The following RABGAP1 variants were observed in gnomAD, a reference collection of about 807,000 sequenced individuals.
RABGAP1 encodes rab GTPase-activating protein 1.
Under a neutral mutation model 137.6 loss-of-function variants are expected in RABGAP1, and 23 were observed. The ratio of observed to expected loss-of-function variants is 0.17; its 90% confidence interval spans 0.12 to 0.24. The LOEUF (loss-of-function observed/expected upper bound fraction) is 0.24. Ranked by LOEUF, RABGAP1 falls within the 10% of genes least tolerant of loss-of-function variation. The pLI is 1.00. For missense variants in RABGAP1, 906 were observed against 1,275.8 expected, an observed-to-expected ratio of 0.71 and a Z score of 4.42; for synonymous variants, 451 against 450.7, an observed-to-expected ratio of 1.00 and a Z score of -0.01.
intron 13 of RABGAP1, among the ~76,000 whole-genome samples, chr9:123,051,431 G>C (rs2033466209): frequency 6.7e-6 from 1 of 150,130 alleles, no homozygotes; most frequent in Non-Finnish European, 1.5e-5. Context: ...ATTTTTAGTA[G>C]AGATGGGGTT....
chr9:123,076,498 C>G, intron 18 of RABGAP1, 136 bp from the exon 19 acceptor site: 1 of 1,087,818 alleles, frequency 9.2e-7, no homozygotes, highest in South Asian at 1.7e-5. Flanking sequence ...TGGATGTATG[C>G]AGGTGGCTCT....
chr9:123,023,396 G>A (rs942131309), intron 13 of RABGAP1, among the ~76,000 whole-genome samples: 6 of 152,080 alleles, frequency 3.9e-5, no homozygotes, highest in African/African-American at 9.7e-5. Flanking sequence ...GGCTAGGCTC[G>A]TCTCGAACTC....
chr9:123,079,835 A>G (rs533716169), intron 19 of RABGAP1, among the ~76,000 whole-genome samples: 89 of 151,872 alleles, frequency 5.9e-4, no homozygotes, highest in African/African-American at 2.0e-3. Flanking sequence ...AGCTCCCCCA[A>G]CCTTTATGCC....
At chr9:123,045,361 C>T (rs1398839291) in intron 13 of RABGAP1, among the ~76,000 whole-genome samples, 2 of 152,182 alleles carry the variant, frequency 1.3e-5, no homozygotes, top group Admixed American at 6.5e-5. Context: ...TTTATTGCCT[C>T]TGGGGAACTG....
chr9:123,045,555 G>T (rs181072796), intron 13 of RABGAP1, among the ~76,000 whole-genome samples: 14 of 152,182 alleles, frequency 9.2e-5, no homozygotes, highest in Non-Finnish European at 1.6e-4. Context: ...ACAAAATGTA[G>T]ATCCTAGTTC....
chr9:123,025,543 C>CTTTTTTTTTTTTTTTTTTTTTTTTTTTTT (rs577474947), intron 13 of RABGAP1, among the ~76,000 whole-genome samples: 1 of 74,998 alleles, frequency 1.3e-5, no homozygotes, highest in Non-Finnish European at 2.7e-5. Flanking sequence ...TCTTTCTTTT[C>CTTTTTTTTTTTTTTTTTTTTTTTTTTTTT]TTTTTTTTTT....
At chr9:122,947,506 A>C (rs901388581) in intron 1 of RABGAP1, among the ~76,000 whole-genome samples, 1 of 152,246 alleles carries the variant, frequency 6.6e-6, no homozygotes, top group African/African-American at 2.4e-5. Context: ...CAATGCAAAA[A>C]GATTACAACT....
intron 13 of RABGAP1, among the ~76,000 whole-genome samples, chr9:123,022,305 T>C (rs1375048932): frequency 2.0e-5 from 3 of 152,234 alleles, no homozygotes; most frequent in Non-Finnish European, 2.9e-5. Flanking sequence ...CTGGTAGTTA[T>C]ATGATATGTA....
upstream of RABGAP1, chr9:122,938,832 A>C (rs1450576434): frequency 2.0e-5 from 3 of 152,224 alleles, no homozygotes; most frequent in Admixed American, 2.0e-4. Context: ...CTTGTTCAAG[A>C]AATACAAGGC....
At chr9:122,984,423 A>T in intron 2 of RABGAP1, 62 bp from the exon 3 acceptor site, 1 of 1,370,132 alleles carries the variant, frequency 7.3e-7, no homozygotes, top group East Asian at 2.4e-5. Flanking sequence ...ATGTGAACCC[A>T]TTTTAATCAA....
chr9:122,941,567 A>C (rs1416539523), intron 1 of RABGAP1, among the ~76,000 whole-genome samples: 1 of 152,136 alleles, frequency 6.6e-6, no homozygotes, highest in Non-Finnish European at 1.5e-5. Flanking sequence ...GCTGCGCCTA[A>C]ATTTCAAAGA....
At chr9:123,001,073 C>T (rs1221866215) in intron 10 of RABGAP1, among the ~76,000 whole-genome samples, 1 of 152,168 alleles carries the variant, frequency 6.6e-6, no homozygotes, top group Admixed American at 6.5e-5. Context: ...TGGTCTCGAA[C>T]TCCTGACCTC....
intron 1 of RABGAP1, among the ~76,000 whole-genome samples, chr9:122,946,917 T>C (rs549383377): frequency 6.6e-6 from 1 of 152,172 alleles, no homozygotes; most frequent in Non-Finnish European, 1.5e-5. Flanking sequence ...CAAGATATAG[T>C]GGGGAGAGTA....
chr9:123,101,499 A>G, intron 24 of RABGAP1, 67 bp from the exon 25 acceptor site: 5 of 1,436,902 alleles, frequency 3.5e-6, no homozygotes, highest in Non-Finnish European at 4.7e-6. Flanking sequence ...CCCAAAGGAG[A>G]TGCTCACACC....
chr9:123,022,161 G>T (rs1486884245), intron 13 of RABGAP1, among the ~76,000 whole-genome samples: 2 of 152,146 alleles, frequency 1.3e-5, no homozygotes, highest in Non-Finnish European at 2.9e-5. Context: ...GGTCAAAAAT[G>T]ATTCTTAAGA....
intron 1 of RABGAP1, among the ~76,000 whole-genome samples, chr9:122,942,535 TG>T (rs1833641816): frequency 1.3e-5 from 2 of 151,878 alleles, no homozygotes; most frequent in Non-Finnish European, 2.9e-5. Flanking sequence ...ACGGGCGTAG[TG>T]GCAGGCGCCT....
intron 2 of RABGAP1, among the ~76,000 whole-genome samples, chr9:122,974,416 T>TC (rs1491558389): frequency 0.051 from 85 of 1,658 alleles, no homozygotes; most frequent in Non-Finnish European, 0.25. Context: ...TGGCTTTGTC[T>TC]TTTTTTTTTT....
At chr9:122,960,676 A>G (rs1363582579) in intron 2 of RABGAP1, among the ~76,000 whole-genome samples, 2 of 152,246 alleles carry the variant, frequency 1.3e-5, no homozygotes, top group South Asian at 2.1e-4. Context: ...AGCAAGCTAC[A>G]GATACTGCCT....
intron 13 of RABGAP1, among the ~76,000 whole-genome samples, chr9:123,061,518 C>G (rs2033971312): frequency 6.6e-6 from 1 of 152,204 alleles, no homozygotes; most frequent in Non-Finnish European, 1.5e-5. Flanking sequence ...ATAACTGCAG[C>G]ACTGAATGGC....
Sources: gnomAD v4.1 joint callset for allele counts (sites outside exome capture counted in the v4.1 genomes callset) on GRCh38, gnomAD v4.1.1 for gene constraint, MANE v1.5 for transcripts, NCBI Gene and HGNC (gene_info 2026-07-23, HGNC 2026-07-21) for gene names.